The following NF1 variants were observed in gnomAD, a reference collection of about 807,000 sequenced individuals.
The protein encoded by NF1 is neurofibromin.
A neutral mutation model predicts 325.7 loss-of-function variants in NF1; 122 were observed. The ratio of observed to expected loss-of-function variants is 0.37; its 90% CI spans 0.32 to 0.44. The LOEUF (loss-of-function observed/expected upper bound fraction) is 0.44, where lower values mean the gene tolerates loss of function less well. NF1 is among the 20% of genes least tolerant of loss of function. The probability of loss-of-function intolerance (pLI) is 1.00; values close to 1 mark genes in which losing one functional copy is unlikely to be tolerated. For synonymous variants in NF1, 1,091 were observed against 1,186.0 expected, an observed-to-expected ratio of 0.92 and a Z score of 1.65; for missense variants, 2,140 against 3,415.4, an observed-to-expected ratio of 0.63 and a Z score of 9.31.
At chr17:31,324,782 G>A (rs936793908) in intron 36 of NF1, among the ~76,000 whole-genome samples, 1 of 151,940 alleles carries the variant, frequency 6.6e-6, no homozygotes, top group South Asian at 2.1e-4. Context: ...GGCTGGTCTC[G>A]AACTCCTGGC....
At chr17:31,119,024 C>T (rs1914201418) in intron 1 of NF1, among the ~76,000 whole-genome samples, 1 of 152,044 alleles carries the variant, frequency 6.6e-6, no homozygotes, top group South Asian at 2.1e-4. Flanking sequence ...TCACTGCAAC[C>T]TCCGCCTGCC....
At chr17:31,258,528 T>C in intron 32 of NF1, 26 bp downstream of exon 32, 1 of 1,611,310 alleles carries the variant, frequency 6.2e-7, no homozygotes, top group African/African-American at 1.3e-5. Context: ...AATCTAGCTA[T>C]CTTAAATTCC....
chr17:31,214,592 A>G lies in NF1; in HGVS notation c.1527+7A>G, dbSNP rs1555612295. The G allele has an allele frequency of 6.2e-7, 1 of 1,612,530 alleles. No individual in the cohort carries two copies. Among genetic ancestry groups the G allele is most frequent in the Non-Finnish European group, 8.5e-7 (1 of 1,179,064 alleles). On this transcript the variant is annotated splice_region_variant and intron_variant, in intron 13 of 57. Coordinates refer to ENST00000358273, the MANE Select transcript of NF1 (RefSeq NM_001042492.3). ...TCCAAAGCTCTTGCTTTGTGTAAGT[A>G]TTTTTTTATGAAATGTCTCAAAATT...
chr17:31,356,384 C>T, intron 51 of NF1, 76 bp from the exon 52 acceptor site: 1 of 1,492,628 alleles, frequency 6.7e-7, no homozygotes, highest in South Asian at 1.1e-5. Flanking sequence ...TATGTCCAAA[C>T]ATTTTCTTTT....
intron 1 of NF1, among the ~76,000 whole-genome samples, chr17:31,122,775 T>A (rs1254291944): frequency 6.6e-6 from 1 of 152,198 alleles, no homozygotes; most frequent in African/African-American, 2.4e-5. Context: ...AATGGAATCA[T>A]TTTGGTATGG....
At chr17:31,188,929 G>A (rs2066289921) in intron 8 of NF1, among the ~76,000 whole-genome samples, 2 of 152,156 alleles carry the variant, frequency 1.3e-5, no homozygotes, top group South Asian at 4.1e-4. Flanking sequence ...GTGGGACCTC[G>A]TGATCGTGTA....
chr17:31,214,586 G>C lies in NF1; in HGVS notation c.1527+1G>C, dbSNP rs1060500331. ...TGCAGATCCAAAGCTCTTGCTTTGT[G>C]TAAGTATTTTTTTATGAAATGTCTC... On this transcript the variant is annotated splice_donor_variant, in intron 13 of 57. Coordinates refer to ENST00000358273, the MANE Select transcript of NF1 (RefSeq NM_001042492.3). LOFTEE classifies it high-confidence loss of function. 6.2e-7 allele frequency: 1 copy of C among 1,612,662 alleles called. No homozygotes were observed. The highest frequency in any genetic ancestry group is 8.5e-7 in the Non-Finnish European group (1 of 1,179,154).
At chr17:31,360,904 G>A (rs2070382287) in intron 57 of NF1, 2 of 602,638 alleles carry the variant, frequency 3.3e-6, no homozygotes, top group Non-Finnish European at 5.9e-6. Flanking sequence ...ACATAAGACA[G>A]TAAAATGTTA....
intron 29 of NF1, among the ~76,000 whole-genome samples, chr17:31,237,215 C>T (rs2067218556): frequency 6.6e-6 from 1 of 152,152 alleles, no homozygotes; most frequent in Non-Finnish European, 1.5e-5. Flanking sequence ...TTCAGAACTC[C>T]AGCACTAAGC....
At chr17:31,155,694 A>G (rs1214801137) in intron 1 of NF1, among the ~76,000 whole-genome samples, 2 of 152,206 alleles carry the variant, frequency 1.3e-5, no homozygotes, top group Non-Finnish European at 2.9e-5. Context: ...TATTTTGTAG[A>G]TAGAGATTTA....
chr17:31,252,965 G>C lies in NF1; in HGVS notation c.4138G>C (p.Ala1380Pro), dbSNP rs876658191. ...QATCHSLLNK[A>P]TVKEKKENKK... ...AACTTGCCACTCCCTACTGAATAAA[G>C]CTACAGTAAAAGAAAAAAAGGAAAA... Residue 1380 changes from alanine (A) to proline (P), a missense_variant, in exon 31 of 58, where the codon GCT becomes CCT. Coordinates refer to ENST00000358273, the MANE Select transcript of NF1 (RefSeq NM_001042492.3). 1 of 1,613,512 alleles carries C rather than the reference G, an allele frequency of 6.2e-7. No homozygotes were observed. The highest frequency in any genetic ancestry group is 8.5e-7 in the Non-Finnish European group (1 of 1,179,752).
chr17:31,239,446 A>T (rs2067256831), intron 29 of NF1, among the ~76,000 whole-genome samples: 1 of 152,122 alleles, frequency 6.6e-6, no homozygotes, highest in African/African-American at 2.4e-5. Flanking sequence ...TAATAAAAGC[A>T]GTTGCTTAGC....
At position 31,218,970 on chromosome 17, in the gene NF1, T is replaced by G. The variant is rs1481924779; in HGVS notation, c.1528-35T>G. 4.8e-6 allele frequency: 7 copies of G among 1,446,936 alleles called. No homozygotes were observed. In the African/African-American group the frequency reaches 1.4e-4, roughly 29 times the overall value. 89.6% of individuals were successfully genotyped at this position (1,446,936 alleles called of 1,614,324 possible). A position where few individuals can be genotyped will look rare whatever the true frequency, so the allele number is the denominator to read the frequency against. On this transcript the variant is annotated intron_variant, in intron 13 of 57. Transcript: ENST00000358273. ...CTTCTAATCTCTCTCGATTTATTTA[T>G]TTTTTTAATTGAAGTTTCCTTTTTT...
chr17:31,348,717 A>G (rs2070058466), intron 48 of NF1, among the ~76,000 whole-genome samples: 1 of 120,060 alleles, frequency 8.3e-6, no homozygotes, highest in Non-Finnish European at 2.0e-5. Flanking sequence ...TTAAAGGGAC[A>G]TCTTTTCTTA....
intron 8 of NF1, among the ~76,000 whole-genome samples, chr17:31,193,228 A>G (rs900347404): frequency 2.8e-4 from 42 of 152,162 alleles, no homozygotes; most frequent in African/African-American, 9.9e-4. Context: ...AAAAACAGCC[A>G]TTTTTATTAA....
chr17:31,278,405 G>T (rs944276519), intron 36 of NF1, among the ~76,000 whole-genome samples: 1 of 69,856 alleles, frequency 1.4e-5, no homozygotes, highest in African/African-American at 5.5e-5. Context: ...TGGATTTTTT[G>T]GGTTTTTTTT....
At position 31,205,641 on chromosome 17, in the gene NF1, T is replaced by G. The variant is rs17882701; in HGVS notation, c.1261-599T>G. On this transcript the variant is annotated intron_variant, in intron 11 of 57. Transcript: ENST00000358273. ...TCACTAGGATCAGTTTGTCTTTGTT[T>G]ATGGTAATTGTTAGTCTCCCATATA... is the stretch of plus-strand genomic sequence containing the variant. Among the ~76,000 whole-genome samples, 1,047 of 152,302 alleles carry G rather than the reference T, an allele frequency of 6.9e-3. 16 individuals are homozygous for G. Among genetic ancestry groups the G allele is most frequent in the African/African-American group, 0.024 (980 of 41,578 alleles).
chr17:31,250,836 C>T (rs2067481406), intron 30 of NF1: 1 of 186,566 alleles, frequency 5.4e-6, no homozygotes, highest in Non-Finnish European at 1.1e-5. Context: ...TTTTAGAGCA[C>T]TTCACAGTAA....
At chr17:31,305,333 C>T (rs1262676015) in intron 36 of NF1, 2 of 1,614,122 alleles carry the variant, frequency 1.2e-6, no homozygotes, top group Non-Finnish European at 1.7e-6. Context: ...GTATGTGCTT[C>T]TGGTTTTTCA....
Sources: gnomAD v4.1 joint callset for allele counts (sites outside exome capture counted in the v4.1 genomes callset) on GRCh38, gnomAD v4.1.1 for gene constraint, MANE v1.5 for transcripts, NCBI Gene and HGNC (gene_info 2026-07-23, HGNC 2026-07-21) for gene names.